The following ROBO1 variants were observed in gnomAD, a reference collection of about 807,000 sequenced individuals.
ROBO1 encodes roundabout guidance receptor 1.
Under a neutral mutation model 195.9 loss-of-function variants are expected in ROBO1, and 149 were observed. That is an observed-to-expected ratio of 0.76 (90% CI 0.67 to 0.87). The LOEUF is 0.87. ROBO1 is among the 40% of genes least tolerant of loss of function. ROBO1 has a pLI of 0.00. For missense variants in ROBO1, 1,933 were observed against 2,068.3 expected, an observed-to-expected ratio of 0.93 and a Z score of 1.27; for synonymous variants, 816 against 733.2, an observed-to-expected ratio of 1.11 and a Z score of -1.82.
intron 1 of ROBO1, among the ~76,000 whole-genome samples, chr3:79,706,049 G>C (rs1279545652): frequency 2.0e-5 from 3 of 152,052 alleles, no homozygotes; most frequent in Non-Finnish European, 4.4e-5. Flanking sequence ...ATTAGTTCCA[G>C]AAGATTTTTG....
rs533730984 is a variant in ROBO1 at position 79,112,145 on chromosome 3, C to A, written c.172+13311G>T. Reference sequence around the variant, plus strand: ...ATGGCTACTAGAAAATTTAAAATGACACATGCGGCTTGCATCTGTGGCATG... The same window carrying A: ...ATGGCTACTAGAAAATTTAAAATGAAACATGCGGCTTGCATCTGTGGCATG... On this transcript the variant is annotated intron_variant, in intron 3 of 30. Transcript: ENST00000464233. Among the ~76,000 whole-genome samples the A allele has an allele frequency of 1.3e-5, 2 of 152,278 alleles. 1 individual carries two copies. The highest frequency in any genetic ancestry group is 4.1e-4 in the South Asian group (2 of 4,822).
intron 4 of ROBO1, among the ~76,000 whole-genome samples, chr3:78,933,425 CT>C (rs1344038933): frequency 6.6e-6 from 1 of 152,068 alleles, no homozygotes; most frequent in Non-Finnish European, 1.5e-5. Flanking sequence ...AATACTTCTG[CT>C]TTTTTCCCAT....
intron 1 of ROBO1, among the ~76,000 whole-genome samples, chr3:79,722,313 A>G (rs1192431382): frequency 6.6e-6 from 1 of 152,212 alleles, no homozygotes; most frequent in African/African-American, 2.4e-5. Context: ...GCAATTAAGT[A>G]ATTCAATTCA....
intron 3 of ROBO1, among the ~76,000 whole-genome samples, chr3:78,939,896 C>T (rs546805711): frequency 9.4e-4 from 143 of 152,112 alleles, no homozygotes; most frequent in Non-Finnish European, 1.8e-3. Context: ...CTGGACCTTA[C>T]ATATTACTTA....
At chr3:79,636,691 C>T (rs1270233747) in intron 1 of ROBO1, among the ~76,000 whole-genome samples, 2 of 152,092 alleles carry the variant, frequency 1.3e-5, no homozygotes, top group African/African-American at 2.4e-5. Flanking sequence ...TAATTGAAAG[C>T]TCACTGGATA....
chr3:79,424,373 A>T (rs2038353916), intron 2 of ROBO1, among the ~76,000 whole-genome samples: 1 of 152,046 alleles, frequency 6.6e-6, no homozygotes, highest in African/African-American at 2.4e-5. Context: ...AATCTCTTGC[A>T]CACATAACAT....
chr3:79,092,536 T>G (rs2079498470), intron 3 of ROBO1, among the ~76,000 whole-genome samples: 1 of 152,222 alleles, frequency 6.6e-6, no homozygotes, highest in African/African-American at 2.4e-5. Context: ...ATTTCATTTC[T>G]GAAGTGTCAG....
chr3:78,932,982 T>G (rs1213765991), intron 4 of ROBO1, among the ~76,000 whole-genome samples: 1 of 152,142 alleles, frequency 6.6e-6, no homozygotes, highest in Non-Finnish European at 1.5e-5. Context: ...GTACTCCCAC[T>G]CTAAGATCTT....
intron 2 of ROBO1, among the ~76,000 whole-genome samples, chr3:79,278,483 G>A (rs898884455): frequency 2.0e-5 from 3 of 152,152 alleles, no homozygotes; most frequent in African/African-American, 7.2e-5. Flanking sequence ...ATGCTGCATG[G>A]AAACAGAGAT....
chr3:79,659,641 A>G (rs1408032655), intron 1 of ROBO1, among the ~76,000 whole-genome samples: 1 of 151,820 alleles, frequency 6.6e-6, no homozygotes, highest in Non-Finnish European at 1.5e-5. Context: ...TTTTGGTTTT[A>G]TAGACCTCAC....
At chr3:79,492,873 C>A (rs898392671) in intron 2 of ROBO1, among the ~76,000 whole-genome samples, 1 of 151,980 alleles carries the variant, frequency 6.6e-6, no homozygotes, top group Non-Finnish European at 1.5e-5. Context: ...ACAACTAAGA[C>A]CTTAACACTA....
intron 19 of ROBO1, among the ~76,000 whole-genome samples, chr3:78,647,958 A>C (rs559646658): frequency 6.6e-6 from 1 of 152,230 alleles, no homozygotes; most frequent in South Asian, 2.1e-4. Context: ...CTTTCGTACA[A>C]ACAAGAATCC....
At chr3:78,907,710 T>C (rs908178798) in intron 4 of ROBO1, among the ~76,000 whole-genome samples, 1 of 152,044 alleles carries the variant, frequency 6.6e-6, no homozygotes. Context: ...AGTGTATCCA[T>C]GACAAGTTTG....
At chr3:79,530,802 C>CAT (rs1559968522) in intron 2 of ROBO1, among the ~76,000 whole-genome samples, 1 of 133,510 alleles carries the variant, frequency 7.5e-6, no homozygotes, top group Non-Finnish European at 1.6e-5. Flanking sequence ...CACACACACA[C>CAT]ACATCCTTCC....
At chr3:79,212,589 G>A (rs975721471) in intron 2 of ROBO1, among the ~76,000 whole-genome samples, 1 of 152,150 alleles carries the variant, frequency 6.6e-6, no homozygotes, top group African/African-American at 2.4e-5. Context: ...GGGAGACTGA[G>A]GGCGCAGATC....
At chr3:79,149,079 C>A (rs2080712157) in intron 2 of ROBO1, among the ~76,000 whole-genome samples, 1 of 151,836 alleles carries the variant, frequency 6.6e-6, no homozygotes, top group South Asian at 2.1e-4. Context: ...TTGGTAGCCT[C>A]AATGTTGAGA....
chr3:78,766,847 G>A (rs2083240666), intron 4 of ROBO1, among the ~76,000 whole-genome samples: 2 of 152,130 alleles, frequency 1.3e-5, no homozygotes, highest in African/African-American at 2.4e-5. Context: ...GATTTTGTCA[G>A]ATGCTTTTTC....
intron 2 of ROBO1, among the ~76,000 whole-genome samples, chr3:79,509,396 C>T (rs1940582674): frequency 6.6e-6 from 1 of 151,994 alleles, no homozygotes; most frequent in African/African-American, 2.4e-5. Flanking sequence ...AAGACTGTAT[C>T]CTGTCTAAAA....
intron 5 of ROBO1, among the ~76,000 whole-genome samples, chr3:78,723,758 C>A (rs1350367): frequency 6.6e-6 from 1 of 152,102 alleles, no homozygotes; most frequent in African/African-American, 2.4e-5. Context: ...CTGTCTATAA[C>A]GCAGGGATTG....
Sources: gnomAD v4.1 joint callset for allele counts (sites outside exome capture counted in the v4.1 genomes callset) on GRCh38, gnomAD v4.1.1 for gene constraint, MANE v1.5 for transcripts, NCBI Gene and HGNC (gene_info 2026-07-23, HGNC 2026-07-21) for gene names.